MYO9B: variants seen among roughly 807,000 people sequenced by gnomAD.
MYO9B encodes unconventional myosin-IXb.
Under a neutral mutation model 229.5 loss-of-function variants are expected in MYO9B, and 71 were observed. The observed-to-expected ratio is 0.31, with a 90% CI of 0.26 to 0.38. The LOEUF (loss-of-function observed/expected upper bound fraction) is 0.38, where lower values mean the gene tolerates loss of function less well. Among genes scored for constraint, MYO9B ranks in the 10% least tolerant of loss-of-function variants. The pLI, the probability that MYO9B is intolerant of heterozygous loss-of-function variation, is 1.00. For synonymous variants in MYO9B, 1,185 were observed against 1,235.8 expected, an observed-to-expected ratio of 0.96 and a Z score of 0.86; for missense variants, 2,255 against 2,920.5, an observed-to-expected ratio of 0.77 and a Z score of 5.25.
At chr19:17,209,106 G>A (rs2073196286) in intron 35 of MYO9B, among the ~76,000 whole-genome samples, 1 of 151,654 alleles carries the variant, frequency 6.6e-6, no homozygotes, top group Non-Finnish European at 1.5e-5. Flanking sequence ...ACTCCAGGCT[G>A]AGTTCCTCCC....
At chr19:17,159,294 C>T (rs2072572325) in intron 7 of MYO9B, 101 bp from the exon 8 acceptor site, 3 of 1,096,904 alleles carry the variant, frequency 2.7e-6, no homozygotes, top group Admixed American at 2.0e-5. Context: ...GTCCGTCTCC[C>T]AGCTGCCTCA....
chr19:17,151,561 T>C (rs2145264601), intron 3 of MYO9B, among the ~76,000 whole-genome samples: 1 of 152,280 alleles, frequency 6.6e-6, no homozygotes, highest in Non-Finnish European at 1.5e-5. Flanking sequence ...AGAAGAGCTA[T>C]GAATGGCCAG....
chr19:17,175,955 C>T (rs1272957504), intron 14 of MYO9B, among the ~76,000 whole-genome samples: 1 of 151,900 alleles, frequency 6.6e-6, no homozygotes, highest in African/African-American at 2.4e-5. Context: ...GCCTCAGCCT[C>T]CCGAGTAGCT....
intron 32 of MYO9B, 23 bp from the exon 33 acceptor site, chr19:17,206,225 G>GTGGCGC: frequency 1.3e-6 from 2 of 1,564,644 alleles, no homozygotes; most frequent in African/African-American, 1.4e-5. Flanking sequence ...CCGCTCACCA[G>GTGGCGC]ACCCACCCCA....
At chr19:17,089,170 G>A (rs141424530) in intron 1 of MYO9B, among the ~76,000 whole-genome samples, 27 of 151,856 alleles carry the variant, frequency 1.8e-4, no homozygotes, top group African/African-American at 5.8e-4. Context: ...TCTCTAAGTC[G>A]TCCTCCCACT....
chr19:17,161,687 G>A (rs1318935402), intron 8 of MYO9B, among the ~76,000 whole-genome samples: 6 of 151,846 alleles, frequency 4.0e-5, no homozygotes, highest in Non-Finnish European at 7.4e-5. Context: ...ATGGTGGTGC[G>A]TGCCTGTAAT....
At chr19:17,084,826 A>G (rs993680225) in intron 1 of MYO9B, among the ~76,000 whole-genome samples, 4 of 151,460 alleles carry the variant, frequency 2.6e-5, no homozygotes, top group Non-Finnish European at 5.9e-5. Flanking sequence ...AATCGCTTGA[A>G]CCCGGGAGGT....
At chr19:17,104,055 CAAA>C (rs34012365) in intron 2 of MYO9B, among the ~76,000 whole-genome samples, 3 of 135,982 alleles carry the variant, frequency 2.2e-5, no homozygotes, top group East Asian at 2.3e-4. Flanking sequence ...AACTCCATCT[CAAA>C]AAAAAAAAAA....
intron 2 of MYO9B, among the ~76,000 whole-genome samples, chr19:17,108,584 A>AG (rs139555613): frequency 0.077 from 11,669 of 152,238 alleles, 479 homozygotes; most frequent in South Asian, 0.11. Context: ...CCCTGGGGAC[A>AG]AATCACCCCC....
Position 17,193,178 on chromosome 19 carries a change from G to A in MYO9B, c.3128+116G>A. The stretch of plus-strand genomic sequence containing the variant: ...GTGGCACTAAGGGGATGTCATTCTG[G>A]ACACAGGGAAAGGCTGGTGGGAAAC... On this transcript the variant is annotated intron_variant, in intron 21 of 39. Coordinates refer to ENST00000682292, the MANE Select transcript of MYO9B (RefSeq NM_004145.4). The surrounding 1 kb of genome is among the most constrained non-coding windows in gnomAD (Gnocchi z 4.3). 8.4e-7 allele frequency: 1 copy of A among 1,196,196 alleles called. No homozygotes were observed. Among genetic ancestry groups the A allele is most frequent in the East Asian group, 2.9e-5 (1 of 35,084 alleles). The allele number at this position is 1,196,196 out of a possible 1,614,324, so 74.1% of individuals were successfully genotyped here. A position where few individuals can be genotyped will look rare whatever the true frequency, so the allele number is the denominator to read the frequency against.
chr19:17,180,394 G>A (rs1481444785), intron 14 of MYO9B, among the ~76,000 whole-genome samples: 2 of 129,122 alleles, frequency 1.5e-5, no homozygotes, highest in Admixed American at 8.8e-5. Flanking sequence ...TGTCTCCCAG[G>A]CTGGAGTGCA....
intron 1 of MYO9B, among the ~76,000 whole-genome samples, chr19:17,094,942 C>CA (rs2057673731): frequency 6.6e-6 from 1 of 151,424 alleles, no homozygotes; most frequent in East Asian, 2.0e-4. Flanking sequence ...GATCCAGTCT[C>CA]AAAAATAAAA....
At chr19:17,088,449 T>C (rs1263069929) in intron 1 of MYO9B, among the ~76,000 whole-genome samples, 2 of 152,122 alleles carry the variant, frequency 1.3e-5, no homozygotes, top group Non-Finnish European at 2.9e-5. Flanking sequence ...ATGCCTCTCT[T>C]TGTAATTTTG....
intron 11 of MYO9B, among the ~76,000 whole-genome samples, chr19:17,170,249 A>C (rs2072708292): frequency 6.6e-6 from 1 of 152,036 alleles, no homozygotes; most frequent in Non-Finnish European, 1.5e-5. Flanking sequence ...GTCCCACGCT[A>C]ATGACCTCAT....
intron 1 of MYO9B, among the ~76,000 whole-genome samples, chr19:17,100,813 C>T (rs916249537): frequency 2.6e-5 from 4 of 152,046 alleles, no homozygotes; most frequent in African/African-American, 7.2e-5. Context: ...GTGCATTTTT[C>T]GTGGCTCTCC....
intron 24 of MYO9B, 104 bp from the exon 25 acceptor site, chr19:17,200,189 C>A: frequency 7.2e-7 from 1 of 1,393,396 alleles, no homozygotes; most frequent in Non-Finnish European, 9.7e-7. Context: ...TTTTTTGAGT[C>A]AGGCATTGAT....
At chr19:17,106,458 G>A (rs926120060) in intron 2 of MYO9B, among the ~76,000 whole-genome samples, 1 of 152,214 alleles carries the variant, frequency 6.6e-6, no homozygotes, top group East Asian at 1.9e-4. Context: ...AGAGGTAGAT[G>A]CAACCCAGCT....
At chr19:17,171,690 G>A (rs547934937) in intron 11 of MYO9B, among the ~76,000 whole-genome samples, 67 of 152,310 alleles carry the variant, frequency 4.4e-4, no homozygotes, top group African/African-American at 1.5e-3. Context: ...GGTGGCTCAC[G>A]CCTATAATCC....
chr19:17,212,229 C>T lies in MYO9B; in HGVS notation c.6393C>T (p.Gly2131=). Residue 2131 remains glycine (G), a synonymous_variant, in exon 40 of 40, where the codon GGC becomes GGT. Coordinates refer to ENST00000682292, the MANE Select transcript of MYO9B (RefSeq NM_004145.4). The surrounding 1 kb of genome is among the most constrained non-coding windows in gnomAD (Gnocchi z 5.4). ...CCCTGGAGCCCCTAGAAGAGGATGG[C>T]CAGCCACCTGGGGCCAAGCGGAGGT... ...QGALEPLEED[G]QPPGAKRRYS... 1 of 1,581,772 alleles carries T rather than the reference C, an allele frequency of 6.3e-7. No homozygotes were observed. The highest frequency in any genetic ancestry group is 8.6e-7 in the Non-Finnish European group (1 of 1,166,018).
Sources: allele counts gnomAD v4.1 joint callset (sites outside exome capture counted in the v4.1 genomes callset), GRCh38; gene constraint gnomAD v4.1.1; non-coding constraint Gnocchi (gnomAD v3.1); transcripts MANE v1.5; gene names NCBI Gene and HGNC (gene_info 2026-07-23, HGNC 2026-07-21).